Variants in RNF216 observed in about 807,000 individuals in gnomAD.
RNF216 encodes ring finger protein 216, also known as E3 ubiquitin-protein ligase RNF216.
A neutral mutation model predicts 110.8 loss-of-function variants in RNF216; 72 were observed. The observed-to-expected ratio is 0.65, with a 90% CI of 0.54 to 0.79. The LOEUF (loss-of-function observed/expected upper bound fraction) is 0.79. RNF216 is among the 30% of genes least tolerant of loss of function. RNF216 has a pLI of 0.00. For synonymous variants in RNF216, 495 were observed against 407.5 expected (o/e 1.21, Z -2.59); for missense variants, 1,342 against 1,141.2 (o/e 1.18, Z -2.54).
At chr7:5,737,332 T>C (rs1794480107) in intron 5 of RNF216, among the ~76,000 whole-genome samples, 1 of 152,036 alleles carries the variant, frequency 6.6e-6, no homozygotes, top group Non-Finnish European at 1.5e-5. Context: ...AGCATGCTTG[T>C]TAAGAGTCAT....
At chr7:5,695,943 C>T (rs1410770755) in intron 13 of RNF216, among the ~76,000 whole-genome samples, 1 of 152,154 alleles carries the variant, frequency 6.6e-6, no homozygotes, top group Non-Finnish European at 1.5e-5. Flanking sequence ...CCCGTCAGAA[C>T]GCATCCAAGG....
intron 13 of RNF216, among the ~76,000 whole-genome samples, chr7:5,685,120 T>A (rs1790895416): frequency 6.6e-6 from 1 of 152,154 alleles, no homozygotes; most frequent in Non-Finnish European, 1.5e-5. Flanking sequence ...GCTCACTCTT[T>A]ATTCTGCCTC....
At chr7:5,664,710 C>A (rs1368267808) in intron 13 of RNF216, among the ~76,000 whole-genome samples, 1 of 152,236 alleles carries the variant, frequency 6.6e-6, no homozygotes, top group Non-Finnish European at 1.5e-5. Context: ...ACGCTTCCCC[C>A]ACTGGCCAGC....
chr7:5,711,749 G>A lies in RNF216; in HGVS notation c.2061+12C>T. On this transcript the variant is annotated intron_variant, in intron 13 of 16. Transcript: ENST00000389902. ...ATTCAATATACATCTAGAAAAAAAT[G>A]TGCCTCCCTACCTTTCGGCAGTGAG... 1.2e-6 allele frequency: 2 copies of A among 1,608,252 alleles called. No homozygotes were observed. The highest frequency in any genetic ancestry group is 1.7e-6 in the Non-Finnish European group (2 of 1,176,550).
At chr7:5,740,705 C>A (rs1368561099) in intron 4 of RNF216, among the ~76,000 whole-genome samples, 2 of 151,722 alleles carry the variant, frequency 1.3e-5, no homozygotes, top group African/African-American at 4.8e-5. Flanking sequence ...TTGAAAAAAA[C>A]AAGGGACTGC....
At chr7:5,663,277 T>A (rs115712163) in intron 13 of RNF216, among the ~76,000 whole-genome samples, 2,886 of 151,996 alleles carry the variant, frequency 0.019, 84 homozygotes, top group African/African-American at 0.065. Context: ...GCTCAATTCA[T>A]CCAATAAAAA....
At chr7:5,674,294 T>C (rs1260033554) in intron 13 of RNF216, among the ~76,000 whole-genome samples, 2 of 151,860 alleles carry the variant, frequency 1.3e-5, no homozygotes, top group Non-Finnish European at 2.9e-5. Flanking sequence ...TCCCAAAGTG[T>C]TGGGATTACA....
intron 13 of RNF216, among the ~76,000 whole-genome samples, chr7:5,667,670 G>A (rs1469990125): frequency 6.6e-6 from 1 of 152,200 alleles, no homozygotes; most frequent in Non-Finnish European, 1.5e-5. Context: ...GCTTCCCAGG[G>A]TTTTGCTGGG....
At chr7:5,726,413 C>G (rs1246480751) in intron 7 of RNF216, among the ~76,000 whole-genome samples, 1 of 152,206 alleles carries the variant, frequency 6.6e-6, no homozygotes, top group African/African-American at 2.4e-5. Flanking sequence ...CTCCCCTAAC[C>G]TGCTTCCCCC....
At chr7:5,725,285 G>A (rs768223808) in intron 8 of RNF216, 39 bp downstream of exon 8, 1 of 1,173,208 alleles carries the variant, frequency 8.5e-7, no homozygotes, top group East Asian at 2.3e-5. Flanking sequence ...AAGGTACAGT[G>A]TTGCAGCTAC....
intron 5 of RNF216, among the ~76,000 whole-genome samples, chr7:5,731,747 G>T (rs28375631): frequency 0.019 from 2,934 of 150,804 alleles, 62 homozygotes; most frequent in Non-Finnish European, 0.03. Flanking sequence ...TATACCTGCA[G>T]TTCTCACACA....
At chr7:5,659,421 G>T (rs749435108) in intron 13 of RNF216, among the ~76,000 whole-genome samples, 2 of 152,196 alleles carry the variant, frequency 1.3e-5, no homozygotes, top group Non-Finnish European at 2.9e-5. Context: ...AAGGGTGAAG[G>T]CTTCAGGGCA....
chr7:5,755,235 G>A (rs1198203270), intron 2 of RNF216, among the ~76,000 whole-genome samples: 4 of 57,338 alleles, frequency 7.0e-5, no homozygotes, highest in Non-Finnish European at 1.1e-4. Flanking sequence ...GGGAGGGAAG[G>A]ATGAAAGGAA....
intron 2 of RNF216, chr7:5,760,421 C>A: frequency 5.4e-6 from 2 of 369,052 alleles, no homozygotes; most frequent in South Asian, 2.0e-5. Flanking sequence ...GAGGCTCAGA[C>A]CGGAGAATCA....
intron 7 of RNF216, among the ~76,000 whole-genome samples, chr7:5,726,841 G>C (rs965803995): frequency 2.0e-5 from 3 of 150,684 alleles, no homozygotes; most frequent in African/African-American, 7.3e-5. Context: ...CTAGGCGACA[G>C]AGCGTGACTC....
chr7:5,737,522 A>AAATAATAAT (rs112378505), intron 5 of RNF216, among the ~76,000 whole-genome samples: 2 of 148,616 alleles, frequency 1.3e-5, no homozygotes, highest in African/African-American at 4.9e-5. Flanking sequence ...GATCAATTAA[A>AAATAATAAT]AATAATAATA....
At chr7:5,663,281 A>G (rs852418) in intron 13 of RNF216, among the ~76,000 whole-genome samples, 3,712 of 152,240 alleles carry the variant, frequency 0.024, 78 homozygotes, top group African/African-American at 0.042. Context: ...AATTCATCCA[A>G]TAAAAAAAAG....
rs111875023 is a variant in RNF216, at chr7:5,765,025, C to G, written c.-69-3887G>C. On this transcript the variant is annotated intron_variant, in intron 1 of 16. Transcript: ENST00000389902. Reference sequence around the variant, plus strand: ...TTCCAAGTTTACAGTAAGCTATGACCAACCCACTGCACTCCAGCCTAGGAA... The same window carrying G: ...TTCCAAGTTTACAGTAAGCTATGACGAACCCACTGCACTCCAGCCTAGGAA... Among the ~76,000 whole-genome samples, 334 of 149,584 alleles carry G rather than the reference C, an allele frequency of 2.2e-3. 3 individuals carry two copies. Among genetic ancestry groups the G allele is most frequent in the Middle Eastern group, 0.01 (3 of 286 alleles).
chr7:5,719,010 T>C (rs1793242240), intron 9 of RNF216, among the ~76,000 whole-genome samples: 1 of 151,958 alleles, frequency 6.6e-6, no homozygotes, highest in African/African-American at 2.4e-5. Context: ...CGAGATTTAT[T>C]TCAAGTGACT....
Sources: allele counts gnomAD v4.1 joint callset (sites outside exome capture counted in the v4.1 genomes callset), GRCh38; gene constraint gnomAD v4.1.1; transcripts MANE v1.5; gene names NCBI Gene and HGNC (gene_info 2026-07-23, HGNC 2026-07-21).